The following USH2A variants were observed in gnomAD, a reference collection of about 807,000 sequenced individuals.
USH2A encodes Usher syndrome 2A (autosomal recessive, mild).
A neutral mutation model predicts 538.9 loss-of-function variants in USH2A; 443 were observed. The observed-to-expected ratio is 0.82, with a 90% CI of 0.76 to 0.89. USH2A has a LOEUF of 0.89. USH2A is among the 40% of genes least tolerant of loss of function. USH2A has a pLI of 0.00. For missense variants in USH2A, 6,633 were observed against 6,324.8 expected, an observed-to-expected ratio of 1.05 and a Z score of -1.65; for synonymous variants, 2,413 against 2,273.5, an observed-to-expected ratio of 1.06 and a Z score of -1.75.
At chr1:216,280,345 C>A (rs878961254) in intron 11 of USH2A, among the ~76,000 whole-genome samples, 9 of 151,766 alleles carry the variant, frequency 5.9e-5, no homozygotes, top group Admixed American at 5.3e-4. Context: ...TTCATGTATC[C>A]CTTTTGGATC....
At chr1:216,059,746 GGTTTT>G (rs2031110399) in intron 30 of USH2A, among the ~76,000 whole-genome samples, 2 of 151,930 alleles carry the variant, frequency 1.3e-5, no homozygotes, top group Admixed American at 6.6e-5. Context: ...TTGAGAATTG[GGTTTT>G]GTTTTATTTT....
chr1:216,050,190 T>C (rs150335232), intron 30 of USH2A, among the ~76,000 whole-genome samples: 1 of 152,308 alleles, frequency 6.6e-6, no homozygotes, highest in Non-Finnish European at 1.5e-5. Flanking sequence ...ATCTTCATAA[T>C]GGAGTAGTGG....
intron 56 of USH2A, among the ~76,000 whole-genome samples, chr1:215,766,018 G>C (rs956860762): frequency 1.3e-5 from 2 of 152,154 alleles, no homozygotes; most frequent in Non-Finnish European, 2.9e-5. Flanking sequence ...TGTATCATGG[G>C]AAATTAACAA....
chr1:216,031,560 T>C (rs1444358359), intron 32 of USH2A, among the ~76,000 whole-genome samples: 4 of 152,186 alleles, frequency 2.6e-5, no homozygotes, highest in Non-Finnish European at 5.9e-5. Context: ...AACCCACTTG[T>C]CCTTATGCCT....
chr1:216,078,488 T>C, intron 26 of USH2A, 126 bp from the exon 27 acceptor site: 6 of 829,246 alleles, frequency 7.2e-6, no homozygotes, highest in Non-Finnish European at 1.2e-5. Flanking sequence ...TCTATAGAAA[T>C]GTGTCACTCT....
Position 216,089,148 on chromosome 1 carries a change from A to T in USH2A, c.4759-9T>A. On this transcript the variant is annotated splice_polypyrimidine_tract_variant and intron_variant, in intron 22 of 71. Transcript: ENST00000307340. ...ACTTCCACTGGTGACCCCTTAAGGG[A>T]ATGAATGAATAAATAAATGTTTATA... 1 of 1,611,094 alleles carries T rather than the reference A, an allele frequency of 6.2e-7. No homozygotes were observed. Among genetic ancestry groups the T allele is most frequent in the East Asian group, 2.2e-5 (1 of 44,800 alleles).
At chr1:215,720,880 G>A (rs1659638285) in intron 61 of USH2A, among the ~76,000 whole-genome samples, 4 of 152,014 alleles carry the variant, frequency 2.6e-5, no homozygotes, top group Admixed American at 2.6e-4. Flanking sequence ...AAAATTAATA[G>A]AAGATTAATT....
intron 3 of USH2A, among the ~76,000 whole-genome samples, chr1:216,369,248 A>G (rs2038656424): frequency 6.6e-6 from 1 of 152,190 alleles, no homozygotes; most frequent in Non-Finnish European, 1.5e-5. Context: ...ATGTATCCTG[A>G]AAACTCTATA....
intron 21 of USH2A, among the ~76,000 whole-genome samples, chr1:216,147,828 T>C (rs368362084): frequency 0.013 from 1,802 of 136,716 alleles, 6 homozygotes; most frequent in Middle Eastern, 0.018. Flanking sequence ...CTACACGTGC[T>C]GGAAATCTGG....
chr1:216,087,268 C>T (rs1450960363), intron 23 of USH2A, among the ~76,000 whole-genome samples: 1 of 152,192 alleles, frequency 6.6e-6, no homozygotes, highest in East Asian at 1.9e-4. Context: ...GCCCTACTTA[C>T]ATCTGTTCCC....
intron 21 of USH2A, among the ~76,000 whole-genome samples, chr1:216,123,126 T>G (rs2033169346): frequency 6.6e-6 from 1 of 152,164 alleles, no homozygotes; most frequent in Non-Finnish European, 1.5e-5. Context: ...TCAGAAAGAT[T>G]ATCCAATACT....
At chr1:216,272,670 T>C (rs2036597097) in intron 11 of USH2A, among the ~76,000 whole-genome samples, 1 of 152,074 alleles carries the variant, frequency 6.6e-6, no homozygotes, top group Admixed American at 6.6e-5. Flanking sequence ...ATAAGAGACT[T>C]AAACTCCCAG....
At chr1:215,913,655 G>C (rs187330418) in intron 38 of USH2A, among the ~76,000 whole-genome samples, 186 of 152,128 alleles carry the variant, frequency 1.2e-3, no homozygotes, top group Non-Finnish European at 2.1e-3. Context: ...AGATGGTGGT[G>C]GCTACTCCCT....
At chr1:215,715,431 A>G (rs1050069946) in intron 61 of USH2A, among the ~76,000 whole-genome samples, 1 of 152,142 alleles carries the variant, frequency 6.6e-6, no homozygotes, top group Non-Finnish European at 1.5e-5. Flanking sequence ...CATTTTTTGT[A>G]TATGGACAGG....
intron 46 of USH2A, among the ~76,000 whole-genome samples, chr1:215,838,639 T>G (rs961075952): frequency 2.0e-5 from 3 of 152,192 alleles, no homozygotes; most frequent in Admixed American, 2.0e-4. Flanking sequence ...TTTACCTTAA[T>G]CACAGCAGAA....
chr1:215,770,119 T>C (rs1368948381), intron 55 of USH2A, among the ~76,000 whole-genome samples: 12 of 152,206 alleles, frequency 7.9e-5, no homozygotes, highest in Admixed American at 7.9e-4. Context: ...CACATTTTCC[T>C]TGGATAAGCC....
At chr1:215,949,627 T>C (rs1385382514) in intron 37 of USH2A, among the ~76,000 whole-genome samples, 1 of 152,102 alleles carries the variant, frequency 6.6e-6, no homozygotes, top group Non-Finnish European at 1.5e-5. Flanking sequence ...GGCAGCATCA[T>C]GTATACAAAT....
At chr1:215,844,615 T>A in intron 45 of USH2A, 119 bp from the exon 46 acceptor site, 1 of 1,032,894 alleles carries the variant, frequency 9.7e-7, no homozygotes, top group Non-Finnish European at 1.5e-6. Context: ...TGCTTTTCGC[T>A]GATGAAGTTA....
intron 64 of USH2A, among the ~76,000 whole-genome samples, chr1:215,660,165 C>T (rs1657397067): frequency 6.6e-6 from 1 of 152,178 alleles, no homozygotes; most frequent in South Asian, 2.1e-4. Context: ...AGTCCTTCAA[C>T]TTATCAACTC....
Sources: allele counts gnomAD v4.1 joint callset (sites outside exome capture counted in the v4.1 genomes callset), GRCh38; gene constraint gnomAD v4.1.1; transcripts MANE v1.5; gene names NCBI Gene and HGNC (gene_info 2026-07-23, HGNC 2026-07-21).